Variants in PRKCA observed in about 807,000 individuals in gnomAD.
PRKCA encodes protein kinase C alpha type.
Under a neutral mutation model 87.0 loss-of-function variants are expected in PRKCA, and 27 were observed. That is an observed-to-expected ratio of 0.31 (90% CI 0.23 to 0.43). The LOEUF (loss-of-function observed/expected upper bound fraction) is 0.43, where lower values mean the gene tolerates loss of function less well. Among genes scored for constraint, PRKCA ranks in the 20% least tolerant of loss-of-function variants. The probability of loss-of-function intolerance (pLI) is 1.00; values close to 1 mark genes in which losing one functional copy is unlikely to be tolerated. For missense variants in PRKCA, 518 were observed against 852.3 expected, an observed-to-expected ratio of 0.61 and a Z score of 4.88; for synonymous variants, 329 against 311.1, an observed-to-expected ratio of 1.06 and a Z score of -0.61.
chr17:66,303,127 C>G, intron 1 of PRKCA, 103 bp downstream of exon 1: 1 of 1,453,402 alleles, frequency 6.9e-7, no homozygotes, highest in Non-Finnish European at 9.3e-7. Flanking sequence ...ACTCCGATAA[C>G]TTGGAACCGG....
At chr17:66,544,237 A>C (rs1968081367) in intron 3 of PRKCA, among the ~76,000 whole-genome samples, 2 of 152,046 alleles carry the variant, frequency 1.3e-5, no homozygotes, top group African/African-American at 4.8e-5. Context: ...CAACAACTAC[A>C]AAAGATTTCT....
intron 3 of PRKCA, among the ~76,000 whole-genome samples, chr17:66,522,555 G>A (rs1598739497): frequency 6.6e-6 from 1 of 152,130 alleles, no homozygotes; most frequent in African/African-American, 2.4e-5. Flanking sequence ...GCCAGGTGCC[G>A]TGTGCTTGTG....
chr17:66,352,041 AT>A (rs1292030701), intron 2 of PRKCA, among the ~76,000 whole-genome samples: 1 of 152,186 alleles, frequency 6.6e-6, no homozygotes, highest in Non-Finnish European at 1.5e-5. Context: ...CTCTGTTTAA[AT>A]TCCTGAGGAA....
intron 2 of PRKCA, among the ~76,000 whole-genome samples, chr17:66,450,015 G>GT (rs1173278422): frequency 3.3e-5 from 5 of 150,540 alleles, no homozygotes; most frequent in African/African-American, 1.2e-4. Flanking sequence ...AGTGTTTTTT[G>GT]TTTTTGTTTT....
Position 66,807,130 on chromosome 17 carries a change from C to T in PRKCA, c.*3093C>T, listed in dbSNP as rs1376741622. ...GGGTGCGCTGTGGAACTGCCGCAGC[C>T]ACGCAGGAGGTCCCTGGGGGATGCT... On this transcript the variant is annotated 3_prime_UTR_variant, in exon 17 of 17. Transcript: ENST00000413366. This position sits in a 1 kb window ranked among gnomAD's most constrained non-coding sequence, Gnocchi z 4.3. 1 of 152,334 alleles carries T rather than the reference C, an allele frequency of 6.6e-6. No individual in the cohort carries two copies. 9.4% of individuals were successfully genotyped at this position (152,334 alleles called of 1,614,324 possible).
intron 8 of PRKCA, among the ~76,000 whole-genome samples, chr17:66,713,525 TC>T (rs992048234): frequency 6.6e-6 from 1 of 152,180 alleles, no homozygotes; most frequent in African/African-American, 2.4e-5. Flanking sequence ...AAGTGTCAAG[TC>T]AACAAAGTCT....
chr17:66,348,801 A>G (rs1414739479), intron 2 of PRKCA, among the ~76,000 whole-genome samples: 2 of 152,216 alleles, frequency 1.3e-5, no homozygotes, highest in Non-Finnish European at 2.9e-5. Flanking sequence ...AAGTTAGGCT[A>G]ATCTAACAAA....
intron 8 of PRKCA, among the ~76,000 whole-genome samples, chr17:66,692,014 G>T (rs1277320123): frequency 6.6e-6 from 1 of 152,206 alleles, no homozygotes; most frequent in East Asian, 1.9e-4. Flanking sequence ...GCAAAACGAA[G>T]CATTTCTCTT....
rs1404327730 is a variant in PRKCA at position 66,741,650 on chromosome 17, C to T, written c.1323-9C>T. 1 of 1,614,104 alleles carries T rather than the reference C, an allele frequency of 6.2e-7. No individual in the cohort carries two copies. Among genetic ancestry groups the T allele is most frequent in the East Asian group, 2.2e-5 (1 of 44,872 alleles). ...AAGTGAGAAACCTGAAGCCCGTTTT[C>T]TTTTGCAGATTCTATGCGGCAGAGA... On this transcript the variant is annotated splice_polypyrimidine_tract_variant and intron_variant, in intron 11 of 16. Coordinates refer to ENST00000413366, the MANE Select transcript of PRKCA (RefSeq NM_002737.3).
In PRKCA at chr17:66,597,792, C is replaced by A. The variant is rs1418896017; in HGVS notation, c.289-43563C>A. Among the ~76,000 whole-genome samples the A allele has an allele frequency of 2.8e-4, 17 of 59,742 alleles. 4 individuals carry two copies. The highest frequency in any genetic ancestry group is 3.6e-4 in the Non-Finnish European group (12 of 33,584). The allele number at this position is 59,742 out of a possible 152,430, so 39.2% of individuals were successfully genotyped here. A position where few individuals can be genotyped will look rare whatever the true frequency, so the allele number is the denominator to read the frequency against. Reference sequence around the variant, plus strand: ...AGGGAAGGGATCCAGTTTCAGCTTTCTACATATGGCTAGCCAGTTTTCCCA... The same window carrying A: ...AGGGAAGGGATCCAGTTTCAGCTTTATACATATGGCTAGCCAGTTTTCCCA... On this transcript the variant is annotated intron_variant, in intron 3 of 16. Coordinates refer to ENST00000413366, the MANE Select transcript of PRKCA (RefSeq NM_002737.3).
intron 11 of PRKCA, among the ~76,000 whole-genome samples, chr17:66,739,185 C>T (rs190915018): frequency 4.6e-5 from 7 of 152,260 alleles, no homozygotes; most frequent in African/African-American, 7.2e-5. Flanking sequence ...CATGCCCAGC[C>T]CCAACTGGGA....
intron 3 of PRKCA, among the ~76,000 whole-genome samples, chr17:66,549,413 G>T (rs1968258840): frequency 6.6e-6 from 1 of 152,136 alleles, no homozygotes; most frequent in Non-Finnish European, 1.5e-5. Context: ...TCAGCAGGTT[G>T]CTCCCTTCTG....
At chr17:66,436,092 G>C (rs866720824) in intron 2 of PRKCA, among the ~76,000 whole-genome samples, 4 of 152,276 alleles carry the variant, frequency 2.6e-5, no homozygotes, top group Admixed American at 6.5e-5. Flanking sequence ...GCATTATGGA[G>C]AAAAGTTACC....
intron 3 of PRKCA, among the ~76,000 whole-genome samples, chr17:66,590,831 C>T (rs562416172): frequency 7.4e-4 from 113 of 151,880 alleles, no homozygotes; most frequent in African/African-American, 2.5e-3. Flanking sequence ...GCCTGGGCAA[C>T]GGAGCAAGAC....
At chr17:66,313,903 G>A (rs1046939503) in intron 2 of PRKCA, among the ~76,000 whole-genome samples, 8 of 152,058 alleles carry the variant, frequency 5.3e-5, no homozygotes, top group African/African-American at 1.4e-4. Flanking sequence ...AGATTATAAC[G>A]GTGATTAGAA....
At chr17:66,495,021 G>C (rs1916407642) in intron 2 of PRKCA, among the ~76,000 whole-genome samples, 1 of 149,356 alleles carries the variant, frequency 6.7e-6, no homozygotes. Context: ...AGGATTTCTT[G>C]AACCCAGGAG....
intron 3 of PRKCA, among the ~76,000 whole-genome samples, chr17:66,526,344 A>G (rs996089292): frequency 2.6e-4 from 40 of 152,204 alleles, no homozygotes; most frequent in African/African-American, 9.6e-4. Context: ...TGGTGGCTTT[A>G]CAACAACAAT....
At chr17:66,584,755 C>T (rs907283765) in intron 3 of PRKCA, among the ~76,000 whole-genome samples, 1 of 152,164 alleles carries the variant, frequency 6.6e-6, no homozygotes, top group Non-Finnish European at 1.5e-5. Context: ...TCTGTCAAAT[C>T]CCCTTCGTCT....
At chr17:66,433,029 T>G (rs1335354605) in intron 2 of PRKCA, among the ~76,000 whole-genome samples, 1 of 152,196 alleles carries the variant, frequency 6.6e-6, no homozygotes, top group Non-Finnish European at 1.5e-5. Context: ...GACTCTGATG[T>G]GTGCAGTTAG....
Sources: allele counts gnomAD v4.1 joint callset (sites outside exome capture counted in the v4.1 genomes callset), GRCh38; gene constraint gnomAD v4.1.1; non-coding constraint Gnocchi (gnomAD v3.1); transcripts MANE v1.5; gene names NCBI Gene and HGNC (gene_info 2026-07-23, HGNC 2026-07-21).